Variants in CCDC62 observed in about 807,000 individuals in gnomAD.
The protein encoded by CCDC62 is coiled-coil domain containing 62.
CCDC62 carries 72 observed loss-of-function variants against 80.8 expected under a neutral mutation model. The observed-to-expected ratio is 0.89, with a 90% CI of 0.74 to 1.08. The LOEUF (loss-of-function observed/expected upper bound fraction) is 1.08, where lower values mean the gene tolerates loss of function less well. CCDC62 is among the 50% of genes least tolerant of loss of function. The probability of loss-of-function intolerance (pLI) is 0.00; values close to 1 mark genes in which losing one functional copy is unlikely to be tolerated. For missense variants in CCDC62, 704 were observed against 809.4 expected, an observed-to-expected ratio of 0.87 and a Z score of 1.58; for synonymous variants, 286 against 296.5, an observed-to-expected ratio of 0.96 and a Z score of 0.36.
intron 5 of CCDC62, among the ~76,000 whole-genome samples, chr12:122,791,590 A>G (rs1420194368): frequency 1.3e-5 from 2 of 151,536 alleles, no homozygotes; most frequent in African/African-American, 4.9e-5. Flanking sequence ...CTGGGATTGC[A>G]GGTGTGTGCC....
At chr12:122,822,756 C>T (rs781129502) in intron 11 of CCDC62, among the ~76,000 whole-genome samples, 2 of 151,810 alleles carry the variant, frequency 1.3e-5, no homozygotes, top group East Asian at 1.9e-4. Flanking sequence ...GCTTCTTTCA[C>T]GCAGTCTAAT....
In CCDC62 at chr12:122,801,872, G is replaced by A. The variant is rs2031336696; in HGVS notation, c.1706+20G>A. ...GGCAAGGTGAGTAACGTTCACATCT[G>A]TAAACACCCACGGAGCATGCATGCC... On this transcript the variant is annotated intron_variant, in intron 9 of 12. Coordinates refer to ENST00000253079, the MANE Select transcript of CCDC62 (RefSeq NM_201435.5). The A allele has an allele frequency of 1.9e-6, 3 of 1,606,886 alleles. No individual in the cohort carries two copies. The highest frequency in any genetic ancestry group is 2.5e-6 in the Non-Finnish European group (3 of 1,176,922).
intron 11 of CCDC62, among the ~76,000 whole-genome samples, chr12:122,815,085 T>A (rs190078825): frequency 6.6e-6 from 1 of 151,924 alleles, no homozygotes; most frequent in Non-Finnish European, 1.5e-5. Flanking sequence ...TGAGCCACCA[T>A]GCTCAGCTTA....
At chr12:122,814,475 G>A (rs2032082177) in intron 11 of CCDC62, among the ~76,000 whole-genome samples, 1 of 151,008 alleles carries the variant, frequency 6.6e-6, no homozygotes. Context: ...TCATGATCAT[G>A]ATGTCTCTCT....
chr12:122,793,409 A>G (rs1245415312), intron 6 of CCDC62, among the ~76,000 whole-genome samples: 1 of 152,090 alleles, frequency 6.6e-6, no homozygotes, highest in Non-Finnish European at 1.5e-5. Context: ...GGATGTCAAC[A>G]AGCTCTCTAT....
At chr12:122,806,959 C>T (rs10847749) in intron 10 of CCDC62, among the ~76,000 whole-genome samples, 128,064 of 151,968 alleles carry the variant, frequency 0.84, 55,213 homozygotes, top group East Asian at 0.99. Flanking sequence ...AAATACACAA[C>T]CCCTGGCAGT....
At chr12:122,818,473 AATT>A (rs2032261900) in intron 11 of CCDC62, among the ~76,000 whole-genome samples, 1 of 150,190 alleles carries the variant, frequency 6.7e-6, no homozygotes, top group Non-Finnish European at 1.5e-5. Flanking sequence ...AAAAAAAAAA[AATT>A]AACTGGACGT....
intron 4 of CCDC62, among the ~76,000 whole-genome samples, chr12:122,787,427 G>A (rs2030325119): frequency 6.7e-6 from 1 of 148,834 alleles, no homozygotes; most frequent in Non-Finnish European, 1.5e-5. Flanking sequence ...CTCCAGCTTG[G>A]GCGACAGAGC....
chr12:122,792,182 AT>A, intron 6 of CCDC62, 61 bp downstream of exon 6: 1 of 942,758 alleles, frequency 1.1e-6, no homozygotes, highest in Non-Finnish European at 1.7e-6. Flanking sequence ...GGCTGAAGGA[AT>A]TATACCTCTC....
At chr12:122,790,845 T>C (rs2030558020) in intron 5 of CCDC62, among the ~76,000 whole-genome samples, 1 of 152,086 alleles carries the variant, frequency 6.6e-6, no homozygotes, top group South Asian at 2.1e-4. Flanking sequence ...TGTAGTCTGG[T>C]GTAATCAACT....
rs57578843 is a variant in CCDC62, at chr12:122,780,614, AAAAATAAAATAAAATAAAATAAAAT to A, written c.230-515_230-491del. On this transcript the variant is annotated intron_variant, in intron 2 of 12. Transcript: ENST00000253079. ...GGACAACAGAGCAAGACTCTGTCTC[AAAAATAAAATAAAATAAAATAAAAT>A]AAAATAAAATAAAATAAAATAAAAT... Among the ~76,000 whole-genome samples, 241 of 136,534 alleles carry A rather than the reference AAAAATAAAATAAAATAAAATAAAAT, an allele frequency of 1.8e-3. 1 individual carries two copies. The highest frequency in any genetic ancestry group is 6.4e-3 in the African/African-American group (224 of 34,936). The allele number at this position is 136,534 out of a possible 152,430, so 89.6% of individuals were successfully genotyped here.
chr12:122,781,838 G>A (rs1325190788), intron 3 of CCDC62, among the ~76,000 whole-genome samples: 1 of 151,888 alleles, frequency 6.6e-6, no homozygotes, highest in Non-Finnish European at 1.5e-5. Flanking sequence ...AGGAATTCAC[G>A]ACCAGGCTTG....
At chr12:122,799,499 T>G (rs1305606868) in intron 8 of CCDC62, among the ~76,000 whole-genome samples, 1 of 152,214 alleles carries the variant, frequency 6.6e-6, no homozygotes, top group Non-Finnish European at 1.5e-5. Context: ...CTGCTTGCCT[T>G]ATTAATAGGA....
chr12:122,822,532 T>A (rs1379609508), intron 11 of CCDC62, among the ~76,000 whole-genome samples: 1 of 151,270 alleles, frequency 6.6e-6, no homozygotes, highest in Admixed American at 6.6e-5. Flanking sequence ...TCCCCAAGCC[T>A]CTGGTAATCA....
At position 122,826,435 on chromosome 12, in the gene CCDC62, G is replaced by A. The variant is rs1566093980; in HGVS notation, c.*54G>A. ...ATCCAAAAGCAGATTTCTCATCTATGTGGAAGGCAGAAAGCAGACACCAAT... is the reference window on the plus strand; with the variant it reads ...ATCCAAAAGCAGATTTCTCATCTATATGGAAGGCAGAAAGCAGACACCAAT... On this transcript the variant is annotated 3_prime_UTR_variant, in exon 13 of 13. Transcript: ENST00000253079. 2.6e-6 allele frequency: 2 copies of A among 780,242 alleles called. No homozygotes were observed. Among genetic ancestry groups the A allele is most frequent in the Admixed American group, 1.7e-5 (1 of 58,950 alleles). The allele number at this position is 780,242 out of a possible 1,614,324, so 48.3% of individuals were successfully genotyped here.
intron 5 of CCDC62, among the ~76,000 whole-genome samples, chr12:122,791,006 G>A (rs144314294): frequency 9.0e-4 from 137 of 152,318 alleles, no homozygotes; most frequent in Middle Eastern, 3.4e-3. Flanking sequence ...AGGAGGGAAC[G>A]GCGGTGGGGA....
chr12:122,823,248 A>AC, intron 11 of CCDC62, 118 bp from the exon 12 acceptor site: 1 of 745,734 alleles, frequency 1.3e-6, no homozygotes, highest in Non-Finnish European at 2.4e-6. Context: ...GGCATGAGCC[A>AC]CCACGCCCAG....
chr12:122,818,079 G>T (rs1176208428), intron 11 of CCDC62, among the ~76,000 whole-genome samples: 1 of 151,756 alleles, frequency 6.6e-6, no homozygotes, highest in Non-Finnish European at 1.5e-5. Context: ...AGGCCGAGGT[G>T]GGAGGATCAC....
intron 3 of CCDC62, among the ~76,000 whole-genome samples, chr12:122,783,810 A>G (rs2030032380): frequency 6.6e-6 from 1 of 152,206 alleles, no homozygotes; most frequent in African/African-American, 2.4e-5. Flanking sequence ...CACACTCTGT[A>G]TCCACACACC....
Sources: gnomAD v4.1 joint callset for allele counts (sites outside exome capture counted in the v4.1 genomes callset) on GRCh38, gnomAD v4.1.1 for gene constraint, MANE v1.5 for transcripts, NCBI Gene and HGNC (gene_info 2026-07-23, HGNC 2026-07-21) for gene names.